FCAR: variants seen among roughly 807,000 people sequenced by gnomAD.
The protein encoded by FCAR is immunoglobulin alpha Fc receptor.
In FCAR, 21 loss-of-function variants were observed where a neutral mutation model predicts 27.1. That is an observed-to-expected ratio of 0.77 (90% confidence interval 0.55 to 1.11). The LOEUF (loss-of-function observed/expected upper bound fraction) is 1.11, where lower values mean the gene tolerates loss of function less well. Among genes scored for constraint, FCAR ranks in the 50% most tolerant of loss-of-function variants. FCAR has a pLI of 0.00. For synonymous variants in FCAR, 134 were observed against 135.8 expected (o/e 0.99, Z 0.09); for missense variants, 404 against 358.4 (o/e 1.13, Z -1.03).
rs757200890 is a variant in FCAR at position 54,885,321 on chromosome 19, C to T, written c.157C>T (p.Arg53Cys). The change falls in exon 3 of 5, where the codon CGT becomes TGT. Residue 53 changes from arginine to cysteine, a missense_variant. By Grantham distance (180) the Arg-to-Cys change is radical. Coordinates refer to ENST00000355524, the MANE Select transcript of FCAR (RefSeq NM_002000.4). ...TGTGAAAATCCAGTGCCAGGCCATT[C>T]GTGAAGCTTACCTGACCCAGCTGAT... The part of the protein sequence containing the change: ...GSVKIQCQAI[R>C]EAYLTQLMII... 1.4e-5 allele frequency: 23 copies of T among 1,613,926 alleles called. No homozygotes were observed. In the South Asian group the frequency reaches 1.9e-4, roughly 13 times the overall value.
At chr19:54,888,403 C>T in intron 4 of FCAR, 109 bp downstream of exon 4, 2 of 1,511,690 alleles carry the variant, frequency 1.3e-6, no homozygotes, top group East Asian at 2.5e-5. Context: ...GAGGCAAAGG[C>T]TCTCACTCCA....
chr19:54,885,438 G>C lies in FCAR; in HGVS notation c.274G>C (p.Ala92Pro), dbSNP rs750370550. ...DPEFVIDHMDANKAGRYQCQY... is the reference protein window; with the variant it reads ...DPEFVIDHMDPNKAGRYQCQY... ...TGAGTTCGTCATTGACCACATGGAC[G>C]CAAACAAGGCAGGGCGCTATCAGTG... The change falls in exon 3 of 5, where the codon GCA becomes CCA. Residue 92 changes from alanine (A) to proline (P), a missense_variant. Coordinates refer to ENST00000355524, the MANE Select transcript of FCAR (RefSeq NM_002000.4). 1 of 1,613,634 alleles carries C rather than the reference G, an allele frequency of 6.2e-7. No individual in the cohort carries two copies. Among genetic ancestry groups the C allele is most frequent in the Non-Finnish European group, 8.5e-7 (1 of 1,179,712 alleles).
rs1227683799 is a variant in FCAR, at chr19:54,882,425, TTTTTTTTTTTC to T, written c.71-2792_71-2782del. On this transcript the variant is annotated intron_variant, in intron 2 of 4. Coordinates refer to ENST00000355524, the MANE Select transcript of FCAR (RefSeq NM_002000.4). ...TTGCCAGAGTTCTTGTGTTGATTCT[TTTTTTTTTTTC>T]TTTTTTTTTTCTTTTTTGTGGCAGA... Among the ~76,000 whole-genome samples, 670 of 72,502 alleles carry T rather than the reference TTTTTTTTTTTC, an allele frequency of 9.2e-3. 3 individuals are homozygous for T. The highest frequency in any genetic ancestry group is 0.019 in the African/African-American group (582 of 29,954). 47.6% of individuals were successfully genotyped at this position (72,502 alleles called of 152,430 possible).
At chr19:54,885,624 T>A (rs1023230924) in intron 3 of FCAR, 99 bp downstream of exon 3, 5 of 886,820 alleles carry the variant, frequency 5.6e-6, no homozygotes, top group Non-Finnish European at 3.4e-6. Flanking sequence ...CAAAAAAAAA[T>A]TGATGATTGC....
At chr19:54,876,733 C>A (rs2066114348) in intron 2 of FCAR, among the ~76,000 whole-genome samples, 1 of 152,128 alleles carries the variant, frequency 6.6e-6, no homozygotes, top group African/African-American at 2.4e-5. Flanking sequence ...TCCTGGCTAA[C>A]ACGGTGAAAC....
intron 4 of FCAR, chr19:54,888,829 A>G (rs762874047): frequency 1.4e-5 from 14 of 990,458 alleles, no homozygotes; most frequent in Non-Finnish European, 1.7e-5. Flanking sequence ...TCTTATTAGG[A>G]TTCCACCTTG....
At chr19:54,876,866 A>G (rs1213652289) in intron 2 of FCAR, among the ~76,000 whole-genome samples, 1 of 152,210 alleles carries the variant, frequency 6.6e-6, no homozygotes, top group African/African-American at 2.4e-5. Context: ...GCTTGCAGTG[A>G]GCCAAGTTCA....
At chr19:54,883,933 G>A (rs1260154892) in intron 2 of FCAR, among the ~76,000 whole-genome samples, 2 of 152,122 alleles carry the variant, frequency 1.3e-5, no homozygotes, top group African/African-American at 4.8e-5. Context: ...CTCCAGCCTG[G>A]GCAACAGAGT....
Position 54,874,340 on chromosome 19 carries a change from A to C in FCAR, c.34+17A>C, listed in dbSNP as rs368594080. The C allele has an allele frequency of 5.0e-5, 80 of 1,613,866 alleles. No individual in the cohort carries two copies. Among genetic ancestry groups the C allele is most frequent in the Non-Finnish European group, 6.7e-5 (79 of 1,179,840 alleles). ...TGTGTCTTGGTGAGTTTCAGAGTAA[A>C]AGTGGGTTAGAGGGGAAGATAGAGA... On this transcript the variant is annotated intron_variant, in intron 1 of 4. Transcript: ENST00000355524.
intron 2 of FCAR, among the ~76,000 whole-genome samples, chr19:54,875,855 C>T (rs2066062696): frequency 1.3e-5 from 2 of 152,194 alleles, no homozygotes; most frequent in African/African-American, 4.8e-5. Context: ...ACTGCCTTAG[C>T]CTCCTAATGG....
intron 2 of FCAR, among the ~76,000 whole-genome samples, chr19:54,881,700 G>A (rs1260181964): frequency 1.3e-5 from 2 of 152,088 alleles, no homozygotes; most frequent in East Asian, 1.9e-4. Context: ...GTGAAACCCC[G>A]TCTCTACTGA....
chr19:54,880,111 C>T (rs1488892311), intron 2 of FCAR, among the ~76,000 whole-genome samples: 6 of 152,122 alleles, frequency 3.9e-5, no homozygotes, highest in Non-Finnish European at 7.4e-5. Context: ...TCTCTAGTGA[C>T]GTTGGGGAAG....
At chr19:54,875,098 G>A (rs2066017941) in intron 1 of FCAR, among the ~76,000 whole-genome samples, 1 of 151,868 alleles carries the variant, frequency 6.6e-6, no homozygotes, top group Non-Finnish European at 1.5e-5. Flanking sequence ...ATGAACCTGG[G>A]AGGCAGAGCT....
At chr19:54,882,991 T>C (rs1169450737) in intron 2 of FCAR, among the ~76,000 whole-genome samples, 4 of 152,042 alleles carry the variant, frequency 2.6e-5, no homozygotes, top group African/African-American at 7.2e-5. Flanking sequence ...CAAGGCTCTT[T>C]TGTAGTTTTG....
Position 54,890,750 on chromosome 19 carries a change from G to A in FCAR, c.*887G>A, listed in dbSNP as rs2067036123. 1 of 152,008 alleles carries A rather than the reference G, an allele frequency of 6.6e-6. No homozygotes were observed. Among genetic ancestry groups the A allele is most frequent in the African/African-American group, 2.4e-5 (1 of 41,374 alleles). The allele number at this position is 152,008 out of a possible 1,614,324, so 9.4% of individuals were successfully genotyped here. ...GCCTTCTTTTTATATTTTTAAATGT[G>A]TCTTCCCCAAATATAAATGGTTGGT... On this transcript the variant is annotated 3_prime_UTR_variant, in exon 5 of 5. Transcript: ENST00000355524.
Position 54,874,315 on chromosome 19 carries a change from T to G in FCAR, c.26T>G (p.Leu9Arg), listed in dbSNP as rs1213529320. MDPKQTTLLCLVLCLGQRI... is the reference protein window; with the variant it reads MDPKQTTLRCLVLCLGQRI... Reference sequence around the variant, plus strand: ...ATGGACCCCAAACAGACCACCCTCCTGTGTCTTGGTGAGTTTCAGAGTAAA... The same window carrying G: ...ATGGACCCCAAACAGACCACCCTCCGGTGTCTTGGTGAGTTTCAGAGTAAA... The change falls in exon 1 of 5, where the codon CTG becomes CGG. Residue 9 changes from leucine (L) to arginine (R), a missense_variant. Transcript: ENST00000355524. 2.5e-6 allele frequency: 4 copies of G among 1,614,148 alleles called. No homozygotes were observed. The highest frequency in any genetic ancestry group is 3.4e-6 in the Non-Finnish European group (4 of 1,179,990).
intron 2 of FCAR, among the ~76,000 whole-genome samples, chr19:54,881,619 T>TCCCA (rs1428065284): frequency 1.3e-5 from 2 of 152,014 alleles, no homozygotes; most frequent in Non-Finnish European, 2.9e-5. Context: ...ACGCCCGGAA[T>TCCCA]CCCAGCACTT....
chr19:54,881,102 CG>C (rs1264942422), intron 2 of FCAR, among the ~76,000 whole-genome samples: 1 of 152,160 alleles, frequency 6.6e-6, no homozygotes, highest in Non-Finnish European at 1.5e-5. Flanking sequence ...ACCTTAGCAG[CG>C]GTTGTGGCAG....
intron 1 of FCAR, among the ~76,000 whole-genome samples, chr19:54,874,607 G>T (rs1426925973): frequency 1.3e-5 from 2 of 152,272 alleles, no homozygotes; most frequent in African/African-American, 4.8e-5. Context: ...TTAGAGGCTG[G>T]AATCTGAAAG....
Sources: allele counts gnomAD v4.1 joint callset (sites outside exome capture counted in the v4.1 genomes callset), GRCh38; gene constraint gnomAD v4.1.1; transcripts MANE v1.5; gene names NCBI Gene and HGNC (gene_info 2026-07-23, HGNC 2026-07-21).